Variants in DGCR2 observed in about 807,000 individuals in gnomAD.
The protein encoded by DGCR2 is integral membrane protein DGCR2/IDD.
DGCR2 carries 24 observed loss-of-function variants against 51.6 expected under a neutral mutation model. The observed-to-expected ratio is 0.47, with a 90% CI of 0.34 to 0.65. The LOEUF (loss-of-function observed/expected upper bound fraction) is 0.65. Ranked by LOEUF, DGCR2 falls within the 30% of genes least tolerant of loss-of-function variation. The probability of loss-of-function intolerance (pLI) is 0.01; values close to 1 mark genes in which losing one functional copy is unlikely to be tolerated. For synonymous variants in DGCR2, 340 were observed against 315.4 expected (o/e 1.08, Z -0.82); for missense variants, 765 against 772.1 (o/e 0.99, Z 0.11).
chr22:19,045,651 C>T (rs1474357681), intron 7 of DGCR2, among the ~76,000 whole-genome samples: 2 of 152,198 alleles, frequency 1.3e-5, no homozygotes, highest in Admixed American at 1.3e-4. Context: ...TCTTGAACTC[C>T]TGGCCTCAAG....
At chr22:19,104,386 C>CATTA (rs1468601216) in intron 1 of DGCR2, among the ~76,000 whole-genome samples, 26,912 of 152,002 alleles carry the variant, frequency 0.18, 2,547 homozygotes, top group South Asian at 0.29. Flanking sequence ...TGTTTCAAGG[C>CATTA]TGTCTCAAAC....
chr22:19,092,959 T>C, intron 1 of DGCR2, among the ~76,000 whole-genome samples: 1 of 145,650 alleles, frequency 6.9e-6, no homozygotes, highest in East Asian at 2.0e-4. Context: ...AAAATGAAGT[T>C]AAAAAAAGGA....
chr22:19,093,418 A>G (rs1452377756), intron 1 of DGCR2, among the ~76,000 whole-genome samples: 2 of 152,038 alleles, frequency 1.3e-5, no homozygotes, highest in Admixed American at 6.6e-5. Flanking sequence ...GCCTAAAACT[A>G]TAAAACTCAA....
intron 2 of DGCR2, among the ~76,000 whole-genome samples, chr22:19,076,159 G>C (rs2082873616): frequency 6.7e-6 from 1 of 149,920 alleles, no homozygotes; most frequent in South Asian, 2.1e-4. Context: ...ATTTTTTAAA[G>C]TTCACTTTAT....
chr22:19,120,893 C>G (rs1482440980), intron 1 of DGCR2, among the ~76,000 whole-genome samples: 1 of 152,262 alleles, frequency 6.6e-6, no homozygotes, highest in Non-Finnish European at 1.5e-5. Context: ...AGTCATCCCG[C>G]TGCCCAGAGA....
chr22:19,117,398 C>A (rs998923052), intron 1 of DGCR2, among the ~76,000 whole-genome samples: 1 of 152,250 alleles, frequency 6.6e-6, no homozygotes, highest in Non-Finnish European at 1.5e-5. Context: ...CCTGGGCCAA[C>A]CTGGGCTTTA....
At chr22:19,120,876 C>A (rs1417988322) in intron 1 of DGCR2, among the ~76,000 whole-genome samples, 1 of 152,226 alleles carries the variant, frequency 6.6e-6, no homozygotes, top group Non-Finnish European at 1.5e-5. Context: ...AAGGCCACCC[C>A]ACAACTAGTC....
intron 2 of DGCR2, among the ~76,000 whole-genome samples, chr22:19,077,390 C>A (rs1436006868): frequency 1.3e-5 from 2 of 152,110 alleles, no homozygotes; most frequent in African/African-American, 4.8e-5. Flanking sequence ...TAACTTTATT[C>A]TTTTGATTTG....
intron 5 of DGCR2, chr22:19,061,904 A>C (rs2082667558): frequency 6.6e-6 from 1 of 151,748 alleles, no homozygotes; most frequent in Non-Finnish European, 1.5e-5. Context: ...TTTTAGGTTC[A>C]CTCTCCTGCC....
At chr22:19,045,744 T>A (rs2082482311) in intron 7 of DGCR2, among the ~76,000 whole-genome samples, 1 of 152,198 alleles carries the variant, frequency 6.6e-6, no homozygotes, top group Non-Finnish European at 1.5e-5. Context: ...TTTTACTTTT[T>A]GAGATGGAGT....
At position 19,057,117 on chromosome 22, in the gene DGCR2, G is replaced by A. The variant is rs1237210402; in HGVS notation, c.671C>T (p.Ala224Val). 4 of 1,608,508 alleles carry A rather than the reference G, an allele frequency of 2.5e-6. No individual in the cohort carries two copies. The highest frequency in any genetic ancestry group is 3.4e-6 in the Non-Finnish European group (4 of 1,177,656). Residue 224 changes from alanine (A) to valine (V), a missense_variant, in exon 6 of 10, where the codon GCC (alanine) becomes GTC (valine). Ala to Val is a moderately conservative substitution (Grantham distance 64). This residue lies in a region of DGCR2 where 370 missense variants were observed against 325.5 expected (regional missense o/e 1.14). Transcript: ENST00000263196. The surrounding 1 kb of genome is among the most constrained non-coding windows in gnomAD (Gnocchi z 5.1). ...GAACACGTTGTCGTTCTCAGACATG[G>A]CCGAGGCAAAGATGGGGTCTGGGGG... ...FLPPDPIFAS[A>V]MSENDNVFCA...
intron 7 of DGCR2, chr22:19,048,196 C>T: frequency 1.8e-6 from 1 of 570,690 alleles, no homozygotes; most frequent in Non-Finnish European, 3.1e-6. Context: ...AGTTCAAGTT[C>T]ATTTGTGAAT....
chr22:19,070,546 A>G (rs1601230757), intron 2 of DGCR2, among the ~76,000 whole-genome samples: 1 of 152,196 alleles, frequency 6.6e-6, no homozygotes, highest in African/African-American at 2.4e-5. Context: ...GAAGAGAAAG[A>G]AGAGATAACA....
At chr22:19,117,338 C>T (rs567431265) in intron 1 of DGCR2, among the ~76,000 whole-genome samples, 2 of 152,232 alleles carry the variant, frequency 1.3e-5, no homozygotes, top group Admixed American at 6.5e-5. Context: ...AACCCAGAAC[C>T]GCCAACTAAA....
chr22:19,037,836 T>C lies in DGCR2; in HGVS notation c.*1029A>G, dbSNP rs1210420538. On this transcript the variant is annotated 3_prime_UTR_variant, in exon 10 of 10. Transcript: ENST00000263196. ...CTGAGGAGGGGCCGGGAGGTGTGCA[T>C]GCGGCCGCTGGGCACTGAGCTGCAG... 1.3e-5 allele frequency: 2 copies of C among 152,558 alleles called. No individual in the cohort carries two copies. Among genetic ancestry groups the C allele is most frequent in the Non-Finnish European group, 2.9e-5 (2 of 68,114 alleles). The allele number at this position is 152,558 out of a possible 1,614,324, so 9.5% of individuals were successfully genotyped here.
At chr22:19,106,158 C>T (rs1026144347) in intron 1 of DGCR2, among the ~76,000 whole-genome samples, 9 of 152,192 alleles carry the variant, frequency 5.9e-5, no homozygotes, top group Non-Finnish European at 1.0e-4. Flanking sequence ...GCTGCTTCCT[C>T]CATCTGTAAA....
chr22:19,093,987 C>T (rs2083109714), intron 1 of DGCR2, among the ~76,000 whole-genome samples: 1 of 151,668 alleles, frequency 6.6e-6, no homozygotes, highest in Non-Finnish European at 1.5e-5. Context: ...GCTTAGGCAA[C>T]AGCAAGACCT....
chr22:19,097,675 C>G (rs982964928), intron 1 of DGCR2, among the ~76,000 whole-genome samples: 2 of 152,214 alleles, frequency 1.3e-5, no homozygotes, highest in Non-Finnish European at 2.9e-5. Context: ...AATACTTCTT[C>G]TCTCCATACT....
chr22:19,099,145 G>A (rs2083172544), intron 1 of DGCR2, among the ~76,000 whole-genome samples: 2 of 152,186 alleles, frequency 1.3e-5, no homozygotes, highest in Admixed American at 6.5e-5. Flanking sequence ...CTCTGTGCCA[G>A]GCAGTTCTCC....
Sources: allele counts gnomAD v4.1 joint callset (sites outside exome capture counted in the v4.1 genomes callset), GRCh38; gene constraint gnomAD v4.1.1; regional missense constraint gnomAD v4.1.1; non-coding constraint Gnocchi (gnomAD v3.1); transcripts MANE v1.5; gene names NCBI Gene and HGNC (gene_info 2026-07-23, HGNC 2026-07-21).